The following TPR variants were observed in gnomAD, a reference collection of about 807,000 sequenced individuals.
TPR encodes the protein translocated promoter region, nuclear basket protein.
TPR carries 51 observed loss-of-function variants against 316.1 expected under a neutral mutation model. That is an observed-to-expected ratio of 0.16 (90% CI 0.13 to 0.20). The LOEUF (loss-of-function observed/expected upper bound fraction) is 0.20, where lower values mean the gene tolerates loss of function less well. Ranked by LOEUF, TPR falls within the 10% of genes least tolerant of loss-of-function variation. TPR has a pLI of 1.00. For missense variants in TPR, 2,272 were observed against 2,754.8 expected (o/e 0.82, Z 3.92); for synonymous variants, 981 against 914.7 (o/e 1.07, Z -1.31).
chr1:186,374,865 G>A lies in TPR; in HGVS notation c.151+13C>T, dbSNP rs758456155. The A allele has an allele frequency of 6.3e-7, 1 of 1,586,902 alleles. No homozygotes were observed. Among genetic ancestry groups the A allele is most frequent in the South Asian group, 1.1e-5 (1 of 89,616 alleles). ...GAGCCCAAAACCAAGGACGGAAAGA[G>A]CATCTCACTTACCGCTCTCCACCTT... is the stretch of plus-strand genomic sequence containing the variant. On this transcript the variant is annotated intron_variant, in intron 1 of 50. Coordinates refer to ENST00000367478, the MANE Select transcript of TPR (RefSeq NM_003292.3).
At chr1:186,348,937 A>T (rs1429012216) in intron 21 of TPR, among the ~76,000 whole-genome samples, 1 of 152,222 alleles carries the variant, frequency 6.6e-6, no homozygotes, top group Admixed American at 6.5e-5. Flanking sequence ...CTAGATAATT[A>T]TACACCCATT....
rs1437905334 is a variant in TPR at position 186,362,968 on chromosome 1, A to G, written c.565T>C (p.Leu189=). 1 of 1,606,190 alleles carries G rather than the reference A, an allele frequency of 6.2e-7. No individual in the cohort carries two copies. Among genetic ancestry groups the G allele is most frequent in the Admixed American group, 1.7e-5 (1 of 58,278 alleles). The change falls in exon 6 of 51, where the codon TTG becomes CTG. Residue 189 remains leucine, a synonymous_variant. Transcript: ENST00000367478. ...REKRLEQEKE[L]LHSQNTWLNT... is the part of the protein sequence containing the mutation. The stretch of plus-strand genomic sequence containing the variant: ...AGCCATGTATTCTGACTATGTAGCA[A>G]TTCCTTTTCTTGCTCCAAGCGTTTT...
intron 3 of TPR, 145 bp downstream of exon 3, chr1:186,370,825 A>G: frequency 1.7e-6 from 1 of 596,102 alleles, no homozygotes; most frequent in Non-Finnish European, 2.9e-6. Flanking sequence ...TAAGGAATTT[A>G]TATTTACATA....
At position 186,323,815 on chromosome 1, in the gene TPR, T is replaced by C; in HGVS notation, c.6168A>G (p.Glu2056=). Reference sequence around the variant, plus strand: ...TTTCAGATGCTGATGATGGCTGTTGTTCTCTAGAAACCTCCTGAGAAAAAG... The same window carrying C: ...TTTCAGATGCTGATGATGGCTGTTGCTCTCTAGAAACCTCCTGAGAAAAAG... ...ESSFSQEVSR[E]QQPSSASERQ... is the part of the protein sequence containing the mutation. Residue 2056 remains glutamate (E), a synonymous_variant, in exon 43 of 51, where the codon GAA becomes GAG. Coordinates refer to ENST00000367478, the MANE Select transcript of TPR (RefSeq NM_003292.3). 5.1e-6 allele frequency: 8 copies of C among 1,555,058 alleles called. No homozygotes were observed. The highest frequency in any genetic ancestry group is 6.0e-6 in the Non-Finnish European group (7 of 1,159,278).
Position 186,373,435 on chromosome 1 carries a change from C to G in TPR, c.180G>C (p.Arg60Ser), listed in dbSNP as rs1335792216. 1 of 1,612,998 alleles carries G rather than the reference C, an allele frequency of 6.2e-7. No homozygotes were observed. Reference protein sequence around the residue: ...SEQQYFEIEKRLSHSQERLVN... With the variant: ...SEQQYFEIEKSLSHSQERLVN... The stretch of plus-strand genomic sequence containing the variant: ...CAAGTCTCTCCTGACTGTGGGACAA[C>G]CTCTTTTCTATTTCAAAATACTGTT... Residue 60 changes from arginine (R) to serine (S), a missense_variant, in exon 2 of 51, where the codon AGG becomes AGC. By Grantham distance (110) the Arg-to-Ser change is moderately radical. This residue lies in a region of TPR where 549 missense variants were observed against 598.6 expected (regional missense o/e 0.92). Coordinates refer to ENST00000367478, the MANE Select transcript of TPR (RefSeq NM_003292.3).
Position 186,355,269 on chromosome 1 carries a change from A to C in TPR, c.2171+141T>G. ...AGAATCATTAATCAATATGAAAAAA[A>C]TGAACTACCAGAGGTTCTCATTCTG... On this transcript the variant is annotated intron_variant, in intron 17 of 50. Transcript: ENST00000367478. The C allele has an allele frequency of 6.8e-6, 6 of 878,502 alleles. No homozygotes were observed. The South Asian group carries it at 9.7e-5, about 14-fold the overall frequency. The allele number at this position is 878,502 out of a possible 1,614,324, so 54.4% of individuals were successfully genotyped here.
chr1:186,322,183 C>T, intron 45 of TPR, 135 bp downstream of exon 45: 1 of 782,490 alleles, frequency 1.3e-6, no homozygotes, highest in South Asian at 1.9e-5. Context: ...CTCAACTGAC[C>T]TACCCCAAGT....
intron 49 of TPR, among the ~76,000 whole-genome samples, chr1:186,316,114 A>G (rs1402396419): frequency 6.6e-6 from 1 of 152,044 alleles, no homozygotes; most frequent in Non-Finnish European, 1.5e-5. Context: ...ACAAGCTCTG[A>G]TAAGATATAA....
chr1:186,362,939 A>G lies in TPR; in HGVS notation c.594T>C (p.Asn198=). 6.2e-7 allele frequency: 1 copy of G among 1,611,404 alleles called. No individual in the cohort carries two copies. Among genetic ancestry groups the G allele is most frequent in the Non-Finnish European group, 8.5e-7 (1 of 1,179,072 alleles). Residue 198 remains asparagine (N), a synonymous_variant, in exon 6 of 51, where the codon AAT becomes AAC. Coordinates refer to ENST00000367478, the MANE Select transcript of TPR (RefSeq NM_003292.3). Reference sequence around the variant, plus strand: ...CATCAGTTTTGGTTTTCAACTCTGTATTCAGCCATGTATTCTGACTATGTA... The same window carrying G: ...CATCAGTTTTGGTTTTCAACTCTGTGTTCAGCCATGTATTCTGACTATGTA... ...ELLHSQNTWL[N]TELKTKTDEL...
chr1:186,351,377 A>G lies in TPR; in HGVS notation c.2563T>C (p.Leu855=), dbSNP rs377675577. Residue 855 remains leucine (L), a synonymous_variant, in exon 20 of 51, where the codon TTG becomes CTG. Coordinates refer to ENST00000367478, the MANE Select transcript of TPR (RefSeq NM_003292.3). The part of the protein sequence containing the change: ...EHEISHLKKK[L]ENEVEQRHTL... Reference sequence around the variant, plus strand: ...TGCCTTTGTTCCACCTCATTTTCCAACTTCTTCTTTAGATGAGAGATCTCA... The same window carrying G: ...TGCCTTTGTTCCACCTCATTTTCCAGCTTCTTCTTTAGATGAGAGATCTCA... The G allele has an allele frequency of 1.2e-6, 2 of 1,612,212 alleles. No individual in the cohort carries two copies. Among genetic ancestry groups the G allele is most frequent in the South Asian group, 1.1e-5 (1 of 90,616 alleles).
chr1:186,339,038 C>T (rs1382201247), intron 30 of TPR, among the ~76,000 whole-genome samples: 1 of 152,106 alleles, frequency 6.6e-6, no homozygotes, highest in African/African-American at 2.4e-5. Flanking sequence ...CTAAAGCTTA[C>T]AAAAGGTAAA....
chr1:186,330,985 C>A (rs527829425), intron 39 of TPR, among the ~76,000 whole-genome samples: 2 of 152,186 alleles, frequency 1.3e-5, no homozygotes, highest in South Asian at 2.1e-4. Flanking sequence ...AGTGGTGGAG[C>A]TAGGAATGAC....
chr1:186,363,212 T>C (rs1284081314), intron 5 of TPR, 130 bp downstream of exon 5: 6 of 995,654 alleles, frequency 6.0e-6, no homozygotes, highest in East Asian at 2.6e-5. Flanking sequence ...TCCTAATGCT[T>C]AATTTTCTGA....
intron 18 of TPR, among the ~76,000 whole-genome samples, chr1:186,352,824 T>C (rs1658905631): frequency 6.6e-6 from 1 of 152,184 alleles, no homozygotes; most frequent in Non-Finnish European, 1.5e-5. Flanking sequence ...AAATTATACA[T>C]TAGCTCTTGA....
At chr1:186,342,124 C>G (rs954776633) in intron 27 of TPR, 2 of 152,344 alleles carry the variant, frequency 1.3e-5, no homozygotes, top group African/African-American at 4.8e-5. Context: ...TGCCTGCCAC[C>G]ACCATGCCCA....
At chr1:186,351,290 A>G in intron 20 of TPR, 40 bp downstream of exon 20, 1 of 1,562,398 alleles carries the variant, frequency 6.4e-7, no homozygotes, top group East Asian at 2.3e-5. Context: ...ATTACTGAAC[A>G]TAAACACCCT....
chr1:186,318,437 A>C lies in TPR; in HGVS notation c.6821+10T>G. 1.9e-6 allele frequency: 3 copies of C among 1,604,034 alleles called. No individual in the cohort carries two copies. Among genetic ancestry groups the C allele is most frequent in the Non-Finnish European group, 2.5e-6 (3 of 1,176,576 alleles). The stretch of plus-strand genomic sequence containing the variant: ...CTAAAGCAAGCAAAAACAACAAAAT[A>C]AACTTTTACCCTTCAGATTCTGCCT... On this transcript the variant is annotated intron_variant, in intron 48 of 50. Coordinates refer to ENST00000367478, the MANE Select transcript of TPR (RefSeq NM_003292.3).
chr1:186,343,250 C>T (rs1287820364), intron 27 of TPR, 76 bp downstream of exon 27: 75 of 1,506,966 alleles, frequency 5.0e-5, no homozygotes, highest in Non-Finnish European at 5.8e-5. Context: ...TTTTACATTA[C>T]GTTAAATGGT....
intron 40 of TPR, among the ~76,000 whole-genome samples, chr1:186,326,958 G>A (rs560878950): frequency 8.6e-6 from 1 of 115,840 alleles, no homozygotes; most frequent in South Asian, 2.4e-4. Context: ...AACTAATTAA[G>A]ATAGAAGAAA....
Sources: allele counts gnomAD v4.1 joint callset (sites outside exome capture counted in the v4.1 genomes callset), GRCh38; gene constraint gnomAD v4.1.1; regional missense constraint gnomAD v4.1.1; transcripts MANE v1.5; gene names NCBI Gene and HGNC (gene_info 2026-07-23, HGNC 2026-07-21).